SLC26A8: variants seen among roughly 807,000 people sequenced by gnomAD.
SLC26A8 encodes testis anion transporter 1.
SLC26A8 carries 70 observed loss-of-function variants against 105.0 expected under a neutral mutation model. That is an observed-to-expected ratio of 0.67 (90% CI 0.55 to 0.81). The LOEUF is 0.81. Ranked by LOEUF, SLC26A8 falls within the 40% of genes least tolerant of loss-of-function variation. The probability of loss-of-function intolerance (pLI) is 0.00; values close to 1 mark genes in which losing one functional copy is unlikely to be tolerated. For synonymous variants in SLC26A8, 415 were observed against 438.3 expected, an observed-to-expected ratio of 0.95 and a Z score of 0.66; for missense variants, 998 against 1,181.8, an observed-to-expected ratio of 0.84 and a Z score of 2.28.
At chr6:35,953,749 G>A (rs1771956627) in intron 17 of SLC26A8, among the ~76,000 whole-genome samples, 1 of 152,172 alleles carries the variant, frequency 6.6e-6, no homozygotes, top group African/African-American at 2.4e-5. Flanking sequence ...AGGAAACGGA[G>A]ACCCAGTTCA....
chr6:36,010,954 C>G (rs1289218894), intron 3 of SLC26A8, among the ~76,000 whole-genome samples: 1 of 152,254 alleles, frequency 6.6e-6, no homozygotes, highest in South Asian at 2.1e-4. Context: ...TATCTGTTTT[C>G]CCCAATTAAC....
chr6:35,947,801 T>G (rs1270255945), intron 19 of SLC26A8, among the ~76,000 whole-genome samples: 1 of 152,042 alleles, frequency 6.6e-6, no homozygotes, highest in Non-Finnish European at 1.5e-5. Flanking sequence ...CATAGTGGTG[T>G]GCGTCTGTAC....
At chr6:35,992,781 G>A in intron 5 of SLC26A8, 107 bp from the exon 6 acceptor site, 1 of 1,142,462 alleles carries the variant, frequency 8.8e-7, no homozygotes, top group South Asian at 1.7e-5. Flanking sequence ...AGTTAAGATA[G>A]GCCCCTTTGG....
intron 17 of SLC26A8, among the ~76,000 whole-genome samples, chr6:35,954,643 A>C (rs1771988138): frequency 6.6e-6 from 1 of 152,166 alleles, no homozygotes; most frequent in Non-Finnish European, 1.5e-5. Flanking sequence ...AGCTCAATAC[A>C]TCAGAATTGG....
At chr6:35,972,996 A>G (rs2127318044) in intron 10 of SLC26A8, among the ~76,000 whole-genome samples, 2 of 151,918 alleles carry the variant, frequency 1.3e-5, no homozygotes, top group South Asian at 4.2e-4. Context: ...CATACCCTAA[A>G]CCCTTTCAGT....
intron 17 of SLC26A8, among the ~76,000 whole-genome samples, chr6:35,952,229 C>G (rs1373726496): frequency 6.6e-6 from 1 of 152,142 alleles, no homozygotes; most frequent in East Asian, 1.9e-4. Context: ...ACCCCCACTT[C>G]CCCCTGGAGT....
chr6:35,982,555 C>T (rs1024887567), intron 7 of SLC26A8, among the ~76,000 whole-genome samples: 5 of 152,104 alleles, frequency 3.3e-5, no homozygotes, highest in South Asian at 2.1e-4. Context: ...TCAGTGAGAT[C>T]GATCCATTTA....
intron 7 of SLC26A8, 91 bp from the exon 8 acceptor site, chr6:35,982,294 G>T: frequency 2.4e-6 from 3 of 1,275,876 alleles, no homozygotes; most frequent in Non-Finnish European, 3.4e-6. Context: ...ATTGCCTCTG[G>T]CAGGACAGAA....
At chr6:35,991,512 T>C in intron 7 of SLC26A8, 147 bp downstream of exon 7, 1 of 568,566 alleles carries the variant, frequency 1.8e-6, no homozygotes, top group Non-Finnish European at 2.7e-6. Context: ...ATTAAAATAT[T>C]TTAGAAAAAG....
At position 35,981,297 on chromosome 6, in the gene SLC26A8, C is replaced by G. The variant is rs991277927; in HGVS notation, c.1025+824G>C. ...GTCCTTAAGAACTCCATATGCCAGG[C>G]TATTTGAAGATCACTTTCTACCCAG... is the stretch of plus-strand genomic sequence containing the variant. On this transcript the variant is annotated intron_variant, in intron 8 of 19. Coordinates refer to ENST00000490799, the MANE Select transcript of SLC26A8 (RefSeq NM_052961.4). The surrounding 1 kb of genome is among the most constrained non-coding windows in gnomAD (Gnocchi z 4.0). 6.6e-6 allele frequency among the ~76,000 whole-genome samples: 1 copy of G among 152,138 alleles called. No homozygotes were observed. Among genetic ancestry groups the G allele is most frequent in the Non-Finnish European group, 1.5e-5 (1 of 68,026 alleles).
intron 11 of SLC26A8, among the ~76,000 whole-genome samples, chr6:35,968,607 G>GTATATATATATA (rs1462092309): frequency 2.3e-4 from 11 of 47,030 alleles, no homozygotes; most frequent in Non-Finnish European, 3.5e-4. Flanking sequence ...GTGTGTGTGT[G>GTATATATATATA]TGTATATATA....
At chr6:35,947,460 T>C (rs1463229918) in intron 19 of SLC26A8, among the ~76,000 whole-genome samples, 4 of 152,236 alleles carry the variant, frequency 2.6e-5, no homozygotes, top group Admixed American at 2.6e-4. Context: ...ATAAGAATTC[T>C]AACAATTGGA....
chr6:35,943,922 C>T lies in SLC26A8; in HGVS notation c.2891G>A (p.Gly964Asp). 1.2e-6 allele frequency: 2 copies of T among 1,613,836 alleles called. No individual in the cohort carries two copies. Among genetic ancestry groups the T allele is most frequent in the Non-Finnish European group, 1.7e-6 (2 of 1,179,756 alleles). Residue 964 changes from glycine (G) to aspartate (D), a missense_variant, in exon 20 of 20, where the codon GGC becomes GAC. Physicochemically the swap from Gly to Asp is moderately conservative, Grantham distance 94 (BLOSUM62 -1). Transcript: ENST00000490799. ...RHPMDSYSPE[G>D]NSNEDV The stretch of plus-strand genomic sequence containing the variant: ...CTCCTAGACATCTTCATTGCTGTTG[C>T]CCTCTGGTGAGTATGAATCCATAGG...
chr6:36,020,731 T>C (rs2127377692), intron 1 of SLC26A8, among the ~76,000 whole-genome samples: 1 of 152,308 alleles, frequency 6.6e-6, no homozygotes, highest in East Asian at 1.9e-4. Flanking sequence ...GTCTTAATAA[T>C]CTATGTTTTT....
chr6:35,961,432 T>C (rs1157057085), intron 12 of SLC26A8, among the ~76,000 whole-genome samples: 1 of 152,246 alleles, frequency 6.6e-6, no homozygotes, highest in African/African-American at 2.4e-5. Flanking sequence ...ACTCACCAAA[T>C]GGTAGTTGCT....
At chr6:35,985,868 A>G (rs1380345407) in intron 7 of SLC26A8, among the ~76,000 whole-genome samples, 1 of 151,788 alleles carries the variant, frequency 6.6e-6, no homozygotes, top group East Asian at 1.9e-4. Flanking sequence ...CGAGCTCTAG[A>G]GCACCATTTG....
chr6:35,987,248 T>C (rs1248281828), intron 7 of SLC26A8, among the ~76,000 whole-genome samples: 3 of 152,228 alleles, frequency 2.0e-5, no homozygotes, highest in Non-Finnish European at 4.4e-5. Context: ...CATGAGATTG[T>C]AGCATTTTAA....
At chr6:35,993,474 A>G (rs1311081005) in intron 5 of SLC26A8, among the ~76,000 whole-genome samples, 1 of 152,142 alleles carries the variant, frequency 6.6e-6, no homozygotes, top group Non-Finnish European at 1.5e-5. Flanking sequence ...ACTGAGAATA[A>G]TTAAATTGAA....
intron 10 of SLC26A8, among the ~76,000 whole-genome samples, chr6:35,972,010 A>G (rs1772816575): frequency 6.6e-6 from 1 of 152,230 alleles, no homozygotes; most frequent in African/African-American, 2.4e-5. Context: ...AGGCCTGCCA[A>G]TGCCTCAGGC....
Sources: allele counts gnomAD v4.1 joint callset (sites outside exome capture counted in the v4.1 genomes callset), GRCh38; gene constraint gnomAD v4.1.1; non-coding constraint Gnocchi (gnomAD v3.1); transcripts MANE v1.5; gene names NCBI Gene and HGNC (gene_info 2026-07-23, HGNC 2026-07-21).